The following GLIPR2 variants were observed in gnomAD, a reference collection of about 807,000 sequenced individuals.
The protein encoded by GLIPR2 is GLI pathogenesis related 2.
Under a neutral mutation model 20.4 loss-of-function variants are expected in GLIPR2, and 21 were observed. The observed-to-expected ratio is 1.03, with a 90% CI of 0.73 to 1.48. GLIPR2 has a LOEUF of 1.48. Ranked by LOEUF, GLIPR2 falls within the 40% of genes most tolerant of loss-of-function variation. The pLI is 0.00. For missense variants in GLIPR2, 205 were observed against 200.1 expected (o/e 1.02, Z -0.15); for synonymous variants, 91 against 80.5 (o/e 1.13, Z -0.70).
chr9:36,154,098 T>C (rs1163403067), intron 4 of GLIPR2, among the ~76,000 whole-genome samples: 3 of 109,532 alleles, frequency 2.7e-5, no homozygotes, highest in Non-Finnish European at 4.0e-5. Context: ...TATATATATC[T>C]TTTCCCCCCC....
intron 4 of GLIPR2, among the ~76,000 whole-genome samples, chr9:36,154,101 T>TC (rs61572959): frequency 0.39 from 53,113 of 136,742 alleles, 11,124 homozygotes; most frequent in Non-Finnish European, 0.46. Flanking sequence ...ATATATCTTT[T>TC]CCCCCCCCCT....
chr9:36,157,931 G>A (rs754618233), intron 4 of GLIPR2, among the ~76,000 whole-genome samples: 6 of 151,768 alleles, frequency 4.0e-5, no homozygotes, highest in Non-Finnish European at 8.8e-5. Flanking sequence ...TCTTTCCTCA[G>A]CCTCCCCAGT....
chr9:36,136,777 C>T lies in GLIPR2; in HGVS notation c.-2C>T. ...GGGAGCGAGGAGCGCGCGGAGCCGG[C>T]CATGGGCAAGTCAGGTGAGCCCGCG... On this transcript the variant is annotated 5_prime_UTR_variant, in exon 1 of 5. Coordinates refer to ENST00000377960, the MANE Select transcript of GLIPR2 (RefSeq NM_022343.4). This position sits in a 1 kb window ranked among gnomAD's most constrained non-coding sequence, Gnocchi z 4.3. The T allele has an allele frequency of 1.5e-6, 2 of 1,300,928 alleles. No homozygotes were observed. Among genetic ancestry groups the T allele is most frequent in the South Asian group, 2.3e-5 (1 of 43,294 alleles). The allele number at this position is 1,300,928 out of a possible 1,614,324, so 80.6% of individuals were successfully genotyped here.
upstream of GLIPR2, chr9:36,136,653 C>A: frequency 1.5e-6 from 1 of 675,380 alleles, no homozygotes; most frequent in Non-Finnish European, 2.1e-6. The surrounding 1 kb of genome is among the most constrained non-coding windows in gnomAD (Gnocchi z 4.3). Flanking sequence ...CCTTATAAGG[C>A]GGGGGCCGGG....
At chr9:36,156,073 G>A (rs1001382457) in intron 4 of GLIPR2, among the ~76,000 whole-genome samples, 1 of 152,118 alleles carries the variant, frequency 6.6e-6, no homozygotes, top group Non-Finnish European at 1.5e-5. Context: ...AGCCAGGCAT[G>A]GTGGCGCACG....
intron 1 of GLIPR2, chr9:36,144,329 T>G (rs987936848): frequency 6.6e-6 from 1 of 152,262 alleles, no homozygotes; most frequent in Non-Finnish European, 1.5e-5. Context: ...ATCTTAACCA[T>G]TTTTAAGTGT....
At chr9:36,141,738 C>G in intron 1 of GLIPR2, 1 of 437,574 alleles carries the variant, frequency 2.3e-6, no homozygotes, top group Non-Finnish European at 4.5e-6. Context: ...ACTGCAGCCT[C>G]GATCTCCTGG....
chr9:36,154,088 T>C (rs1825721101), intron 4 of GLIPR2, among the ~76,000 whole-genome samples: 1 of 128,796 alleles, frequency 7.8e-6, no homozygotes, highest in Non-Finnish European at 1.6e-5. Context: ...ATATATTATA[T>C]ATATATATCT....
chr9:36,142,954 G>A (rs1423734516), intron 1 of GLIPR2, among the ~76,000 whole-genome samples: 1 of 152,112 alleles, frequency 6.6e-6, no homozygotes, highest in Non-Finnish European at 1.5e-5. Flanking sequence ...CCGATTACCA[G>A]AAAGACCTCC....
chr9:36,147,636 C>T (rs191674688), intron 1 of GLIPR2, 150 bp from the exon 2 acceptor site: 1 of 662,134 alleles, frequency 1.5e-6, no homozygotes, highest in East Asian at 2.7e-5. Flanking sequence ...GGAGCAGGGC[C>T]ACTTGGCTGG....
intron 1 of GLIPR2, among the ~76,000 whole-genome samples, chr9:36,138,373 C>T (rs530333907): frequency 3.4e-4 from 52 of 152,100 alleles, no homozygotes; most frequent in African/African-American, 1.1e-3. Flanking sequence ...TACAGGTGTG[C>T]GCCACCACGC....
chr9:36,149,042 T>C (rs960181214), intron 3 of GLIPR2, among the ~76,000 whole-genome samples: 1 of 152,238 alleles, frequency 6.6e-6, no homozygotes, highest in African/African-American at 2.4e-5. Flanking sequence ...AATTTTACTT[T>C]CTTACCGTAC....
intron 1 of GLIPR2, among the ~76,000 whole-genome samples, chr9:36,140,629 G>T (rs1014168125): frequency 6.6e-6 from 1 of 152,178 alleles, no homozygotes; most frequent in African/African-American, 2.4e-5. Flanking sequence ...TGGGGGAAGG[G>T]GGTGCCTTGT....
chr9:36,154,069 TTATA>T (rs1156429658), intron 4 of GLIPR2, among the ~76,000 whole-genome samples: 2 of 128,532 alleles, frequency 1.6e-5, no homozygotes, highest in African/African-American at 5.7e-5. Flanking sequence ...ATATTATATA[TTATA>T]TATTATATAT....
At position 36,162,485 on chromosome 9, in the gene GLIPR2, G is replaced by A; in HGVS notation, c.428G>A (p.Gly143Asp). ...YFPAGNVVNE[G>D]FFEENVLPPK... The stretch of plus-strand genomic sequence containing the variant: ...CCAGCGGGGAATGTTGTCAATGAGG[G>A]CTTCTTCGAAGAAAACGTCCTGCCG... The change falls in exon 5 of 5, where the codon GGC becomes GAC. Residue 143 changes from glycine (G) to aspartate (D), a missense_variant. Coordinates refer to ENST00000377960, the MANE Select transcript of GLIPR2 (RefSeq NM_022343.4). 1 of 1,614,224 alleles carries A rather than the reference G, an allele frequency of 6.2e-7. No individual in the cohort carries two copies. Among genetic ancestry groups the A allele is most frequent in the Non-Finnish European group, 8.5e-7 (1 of 1,180,042 alleles).
rs1439721557 is a variant in GLIPR2 at position 36,162,721 on chromosome 9, C to G, written c.*199C>G. On this transcript the variant is annotated 3_prime_UTR_variant, in exon 5 of 5. Transcript: ENST00000377960. ...TTATTACAGGAGTGAGCAAAGGAAG[C>G]ATTTACCCCGATGGTTACCTAGACC... 1 of 633,358 alleles carries G rather than the reference C, an allele frequency of 1.6e-6. No individual in the cohort carries two copies. The highest frequency in any genetic ancestry group is 1.8e-5 in the South Asian group (1 of 55,220). The allele number at this position is 633,358 out of a possible 1,614,324, so 39.2% of individuals were successfully genotyped here.
intron 4 of GLIPR2, among the ~76,000 whole-genome samples, chr9:36,156,215 A>AC (rs1302959095): frequency 6.6e-6 from 1 of 151,350 alleles, no homozygotes; most frequent in Non-Finnish European, 1.5e-5. Context: ...ATCTCAAAAA[A>AC]TTAAAAAATT....
chr9:36,157,183 ATT>A (rs550973713), intron 4 of GLIPR2, among the ~76,000 whole-genome samples: 58 of 130,678 alleles, frequency 4.4e-4, no homozygotes, highest in African/African-American at 9.5e-4. Flanking sequence ...TGCCCAGCTA[ATT>A]TTTTTTTTTT....
intron 4 of GLIPR2, among the ~76,000 whole-genome samples, chr9:36,153,789 T>G (rs1012817545): frequency 7.2e-5 from 11 of 151,896 alleles, no homozygotes; most frequent in African/African-American, 2.7e-4. Context: ...TAATCTCAGC[T>G]GCTCGGGATG....
Sources: allele counts gnomAD v4.1 joint callset (sites outside exome capture counted in the v4.1 genomes callset), GRCh38; gene constraint gnomAD v4.1.1; non-coding constraint Gnocchi (gnomAD v3.1); transcripts MANE v1.5; gene names NCBI Gene and HGNC (gene_info 2026-07-23, HGNC 2026-07-21).